Variants in CFDP1 observed in about 807,000 individuals in gnomAD.
The protein encoded by CFDP1 is heterochromatin-stabilizing protein CFDP1.
A neutral mutation model predicts 40.1 loss-of-function variants in CFDP1; 31 were observed. The ratio of observed to expected loss-of-function variants is 0.77; its 90% confidence interval spans 0.58 to 1.04. The LOEUF (loss-of-function observed/expected upper bound fraction) is 1.04. Among genes scored for constraint, CFDP1 ranks in the 50% least tolerant of loss-of-function variants. The pLI, the probability that CFDP1 is intolerant of heterozygous loss-of-function variation, is 0.00. For missense variants in CFDP1, 423 were observed against 343.4 expected, an observed-to-expected ratio of 1.23 and a Z score of -1.83; for synonymous variants, 167 against 120.0, an observed-to-expected ratio of 1.39 and a Z score of -2.56.
At chr16:75,390,212 T>C (rs766522) in intron 5 of CFDP1, among the ~76,000 whole-genome samples, 114,319 of 152,118 alleles carry the variant, frequency 0.75, 43,091 homozygotes, top group Non-Finnish European at 0.79. Flanking sequence ...CTATACCCTT[T>C]CCCACATGGC....
chr16:75,399,747 C>T (rs2079032259), intron 4 of CFDP1, among the ~76,000 whole-genome samples: 1 of 152,002 alleles, frequency 6.6e-6, no homozygotes, highest in Non-Finnish European at 1.5e-5. Flanking sequence ...TTTGGGAGGC[C>T]AAGGGCGGGA....
intron 5 of CFDP1, among the ~76,000 whole-genome samples, chr16:75,369,947 T>C (rs2078739946): frequency 6.6e-6 from 1 of 151,932 alleles, no homozygotes. Context: ...TTATTATTAT[T>C]ATTTTTAGTA....
chr16:75,427,171 A>G (rs944958312), intron 1 of CFDP1, among the ~76,000 whole-genome samples: 1 of 152,216 alleles, frequency 6.6e-6, no homozygotes, highest in Non-Finnish European at 1.5e-5. Context: ...ACCAAAGAAG[A>G]TAAAATGATG....
chr16:75,374,264 A>G (rs549641021), intron 5 of CFDP1, among the ~76,000 whole-genome samples: 6 of 152,118 alleles, frequency 3.9e-5, no homozygotes, highest in African/African-American at 1.4e-4. Context: ...TAAATTATAG[A>G]ATATTCAAAG....
chr16:75,311,664 C>T (rs1173492452), intron 5 of CFDP1, among the ~76,000 whole-genome samples: 1 of 152,048 alleles, frequency 6.6e-6, no homozygotes, highest in Non-Finnish European at 1.5e-5. Flanking sequence ...TAATAGCCTG[C>T]ATAATCACTA....
chr16:75,431,708 T>G (rs192777416), intron 1 of CFDP1, among the ~76,000 whole-genome samples: 6 of 151,754 alleles, frequency 4.0e-5, no homozygotes, highest in African/African-American at 1.5e-4. Flanking sequence ...GACTACGGAG[T>G]TGGGGAGGCC....
At chr16:75,334,015 A>C (rs2078467221) in intron 5 of CFDP1, among the ~76,000 whole-genome samples, 1 of 152,168 alleles carries the variant, frequency 6.6e-6, no homozygotes, top group Non-Finnish European at 1.5e-5. Flanking sequence ...TGACTGAGAC[A>C]CAGAGAGACC....
intron 5 of CFDP1, among the ~76,000 whole-genome samples, chr16:75,334,813 G>A (rs541732863): frequency 7.9e-5 from 12 of 152,252 alleles, no homozygotes; most frequent in Non-Finnish European, 1.6e-4. Flanking sequence ...AAATTAGCCA[G>A]GTGTGGTGGT....
At chr16:75,385,260 A>G (rs1485718585) in intron 5 of CFDP1, among the ~76,000 whole-genome samples, 5 of 152,116 alleles carry the variant, frequency 3.3e-5, no homozygotes, top group African/African-American at 1.2e-4. Context: ...ATATGAATAC[A>G]ATATATTATC....
chr16:75,309,907 GCAA>G (rs1482438880), intron 5 of CFDP1, among the ~76,000 whole-genome samples: 1 of 151,152 alleles, frequency 6.6e-6, no homozygotes, highest in Admixed American at 6.6e-5. Context: ...AAGCCATAGG[GCAA>G]GGTACTGCCA....
chr16:75,317,479 G>T (rs2078331394), intron 5 of CFDP1, among the ~76,000 whole-genome samples: 1 of 152,230 alleles, frequency 6.6e-6, no homozygotes, highest in Non-Finnish European at 1.5e-5. Context: ...AGGAGGAAAT[G>T]TTGAGTGTAA....
intron 1 of CFDP1, among the ~76,000 whole-genome samples, chr16:75,417,012 A>C (rs1430872211): frequency 6.6e-6 from 1 of 152,126 alleles, no homozygotes; most frequent in East Asian, 1.9e-4. Flanking sequence ...ATCTAAAAAA[A>C]ATTTTTAAAC....
At chr16:75,297,295 C>T (rs2078190719) in intron 6 of CFDP1, among the ~76,000 whole-genome samples, 1 of 152,092 alleles carries the variant, frequency 6.6e-6, no homozygotes, top group Admixed American at 6.6e-5. Flanking sequence ...GCTGGGATTA[C>T]AGGCGTGAGC....
intron 5 of CFDP1, among the ~76,000 whole-genome samples, chr16:75,317,870 G>A (rs1445793354): frequency 6.6e-6 from 1 of 152,012 alleles, no homozygotes; most frequent in African/African-American, 2.4e-5. Flanking sequence ...CAGCACTTTG[G>A]GAGGCTGAGG....
intron 4 of CFDP1, among the ~76,000 whole-genome samples, chr16:75,400,195 T>C (rs1281565501): frequency 6.6e-6 from 1 of 150,384 alleles, no homozygotes; most frequent in Non-Finnish European, 1.5e-5. Context: ...AGCAGAAGGA[T>C]CGCTTGAAGC....
intron 5 of CFDP1, among the ~76,000 whole-genome samples, chr16:75,315,666 T>G (rs562854578): frequency 1.3e-5 from 2 of 152,344 alleles, no homozygotes; most frequent in East Asian, 1.9e-4. Flanking sequence ...GTTAACATTT[T>G]GCCACATATA....
At chr16:75,417,925 G>T (rs986696441) in intron 1 of CFDP1, among the ~76,000 whole-genome samples, 1 of 151,854 alleles carries the variant, frequency 6.6e-6, no homozygotes, top group Non-Finnish European at 1.5e-5. Context: ...TAGGAATCTA[G>T]ATCTTCAGAA....
At chr16:75,308,893 C>A (rs2078275526) in intron 5 of CFDP1, among the ~76,000 whole-genome samples, 2 of 152,174 alleles carry the variant, frequency 1.3e-5, no homozygotes, top group South Asian at 2.1e-4. Flanking sequence ...AACCATAATA[C>A]CCCTTTGCCT....
chr16:75,300,044 C>T (rs1024249275), intron 6 of CFDP1, among the ~76,000 whole-genome samples: 3 of 151,906 alleles, frequency 2.0e-5, no homozygotes, highest in African/African-American at 7.3e-5. Flanking sequence ...AAGGGTTACC[C>T]GGGGGTGTTC....
Sources: gnomAD v4.1 joint callset for allele counts (sites outside exome capture counted in the v4.1 genomes callset) on GRCh38, gnomAD v4.1.1 for gene constraint, MANE v1.5 for transcripts, NCBI Gene and HGNC (gene_info 2026-07-23, HGNC 2026-07-21) for gene names.